The following GPATCH2 variants were observed in gnomAD, a reference collection of about 807,000 sequenced individuals.
The protein encoded by GPATCH2 is G patch domain-containing protein 2.
GPATCH2 carries 51 observed loss-of-function variants against 58.0 expected under a neutral mutation model. That is an observed-to-expected ratio of 0.88 (90% confidence interval 0.70 to 1.11). The LOEUF (loss-of-function observed/expected upper bound fraction) is 1.11. Among genes scored for constraint, GPATCH2 ranks in the 50% most tolerant of loss-of-function variants. The pLI is 0.00. For missense variants in GPATCH2, 625 were observed against 652.2 expected (o/e 0.96, Z 0.45); for synonymous variants, 222 against 218.5 (o/e 1.02, Z -0.14).
intron 1 of GPATCH2, among the ~76,000 whole-genome samples, chr1:217,626,288 TA>T (rs1261496785): frequency 6.6e-6 from 1 of 152,216 alleles, no homozygotes; most frequent in Non-Finnish European, 1.5e-5. Flanking sequence ...AACACTGTAC[TA>T]ACACACAGTA....
At chr1:217,626,793 G>A (rs1236161956) in intron 1 of GPATCH2, among the ~76,000 whole-genome samples, 2 of 151,998 alleles carry the variant, frequency 1.3e-5, no homozygotes, top group Non-Finnish European at 2.9e-5. Flanking sequence ...AACACTAAAT[G>A]TCGACACTTA....
At chr1:217,563,975 C>T (rs917368145) in intron 5 of GPATCH2, among the ~76,000 whole-genome samples, 1 of 126,884 alleles carries the variant, frequency 7.9e-6, no homozygotes, top group East Asian at 2.6e-4. Flanking sequence ...ACCCGGGAGG[C>T]GGAGATAGTG....
intron 5 of GPATCH2, among the ~76,000 whole-genome samples, chr1:217,598,361 C>T (rs900104582): frequency 2.6e-5 from 4 of 151,952 alleles, no homozygotes; most frequent in African/African-American, 7.3e-5. Context: ...GCACTCAAGC[C>T]GGGGCCACAG....
At position 217,430,182 on chromosome 1, in the gene GPATCH2, T is replaced by G. The variant is rs1308844240; in HGVS notation, c.*963A>C. The G allele has an allele frequency of 6.6e-6, 1 of 152,014 alleles. No individual in the cohort carries two copies. The highest frequency in any genetic ancestry group is 2.4e-5 in the African/African-American group (1 of 41,352). 9.4% of individuals were successfully genotyped at this position (152,014 alleles called of 1,614,324 possible). A position where few individuals can be genotyped will look rare whatever the true frequency, so the allele number is the denominator to read the frequency against. ...TACCATTTACTTCTTTTGTTCACCTTCTAAATGGGTTGGGTCATTGCCAGA... is the reference window on the plus strand; with the variant it reads ...TACCATTTACTTCTTTTGTTCACCTGCTAAATGGGTTGGGTCATTGCCAGA... On this transcript the variant is annotated 3_prime_UTR_variant, in exon 10 of 10. Coordinates refer to ENST00000366935, the MANE Select transcript of GPATCH2 (RefSeq NM_018040.5).
At chr1:217,451,768 G>C (rs1260287122) in intron 8 of GPATCH2, among the ~76,000 whole-genome samples, 2 of 152,176 alleles carry the variant, frequency 1.3e-5, no homozygotes, top group African/African-American at 4.8e-5. Context: ...TGAAAACAGG[G>C]AATAAAGTGG....
At chr1:217,544,838 G>A (rs1664951411) in intron 5 of GPATCH2, among the ~76,000 whole-genome samples, 1 of 152,128 alleles carries the variant, frequency 6.6e-6, no homozygotes, top group South Asian at 2.1e-4. Flanking sequence ...TTCCTGCCCT[G>A]AAACTGTAAA....
intron 9 of GPATCH2, among the ~76,000 whole-genome samples, chr1:217,434,103 A>G (rs1658695230): frequency 1.3e-5 from 2 of 152,248 alleles, no homozygotes; most frequent in Admixed American, 1.3e-4. Flanking sequence ...AAATGGATTC[A>G]TAGCTCATGG....
intron 8 of GPATCH2, among the ~76,000 whole-genome samples, chr1:217,467,649 T>G (rs1660523808): frequency 6.6e-6 from 1 of 151,958 alleles, no homozygotes; most frequent in Non-Finnish European, 1.5e-5. Context: ...AACAATAAAG[T>G]CTTGAATTTG....
At chr1:217,484,626 TATGCAC>T (rs1219102315) in intron 8 of GPATCH2, among the ~76,000 whole-genome samples, 2 of 148,908 alleles carry the variant, frequency 1.3e-5, no homozygotes, top group Non-Finnish European at 3.0e-5. Context: ...TACACATGCA[TATGCAC>T]ACGTGTATAC....
intron 6 of GPATCH2, chr1:217,498,660 G>A: frequency 3.6e-6 from 2 of 551,326 alleles, no homozygotes; most frequent in South Asian, 4.4e-5. Flanking sequence ...ATAAACTGCT[G>A]GGACTGTATT....
chr1:217,480,392 G>A (rs1661162107), intron 8 of GPATCH2, among the ~76,000 whole-genome samples: 1 of 152,124 alleles, frequency 6.6e-6, no homozygotes, highest in Non-Finnish European at 1.5e-5. Context: ...ATATGAAATG[G>A]TGCCCAACAT....
intron 5 of GPATCH2, among the ~76,000 whole-genome samples, chr1:217,539,842 C>T (rs1664648534): frequency 6.6e-6 from 1 of 152,074 alleles, no homozygotes; most frequent in Non-Finnish European, 1.5e-5. Context: ...ATAGATAACC[C>T]TGAAAGACTT....
intron 7 of GPATCH2, chr1:217,492,838 T>G (rs1661814268): frequency 6.6e-6 from 1 of 152,202 alleles, no homozygotes; most frequent in Non-Finnish European, 1.5e-5. Flanking sequence ...ATGATTATAA[T>G]TATGATGAAA....
intron 5 of GPATCH2, among the ~76,000 whole-genome samples, chr1:217,581,267 T>C (rs1016838615): frequency 6.6e-5 from 10 of 152,206 alleles, no homozygotes; most frequent in African/African-American, 2.4e-4. Context: ...TTAAAAACTA[T>C]TGATTTCAAA....
chr1:217,518,916 AC>A (rs1190817272), intron 5 of GPATCH2, among the ~76,000 whole-genome samples: 2 of 152,254 alleles, frequency 1.3e-5, no homozygotes, highest in African/African-American at 4.8e-5. Context: ...GGTCAATCAA[AC>A]CTGCCTGGCC....
chr1:217,462,918 C>T (rs1329778305), intron 8 of GPATCH2, among the ~76,000 whole-genome samples: 4 of 152,130 alleles, frequency 2.6e-5, no homozygotes, highest in South Asian at 4.1e-4. Flanking sequence ...TCCTTTTATG[C>T]TTGGCCTTTC....
intron 5 of GPATCH2, among the ~76,000 whole-genome samples, chr1:217,540,412 T>C (rs1664680358): frequency 6.6e-6 from 1 of 152,214 alleles, no homozygotes; most frequent in African/African-American, 2.4e-5. Context: ...GCAGTCCCAG[T>C]TATTCAACAA....
chr1:217,537,455 T>C (rs943899147), intron 5 of GPATCH2, among the ~76,000 whole-genome samples: 1 of 152,006 alleles, frequency 6.6e-6, no homozygotes, highest in Non-Finnish European at 1.5e-5. Context: ...AGGTTATAAT[T>C]ATATATTATA....
At chr1:217,454,405 C>T (rs899318395) in intron 8 of GPATCH2, among the ~76,000 whole-genome samples, 5 of 151,696 alleles carry the variant, frequency 3.3e-5, no homozygotes, top group African/African-American at 4.8e-5. Flanking sequence ...CTGGCTAACA[C>T]GGTGAAACCC....
Sources: gnomAD v4.1 joint callset for allele counts (sites outside exome capture counted in the v4.1 genomes callset) on GRCh38, gnomAD v4.1.1 for gene constraint, MANE v1.5 for transcripts, NCBI Gene and HGNC (gene_info 2026-07-23, HGNC 2026-07-21) for gene names.